The following FAM135A variants were observed in gnomAD, a reference collection of about 807,000 sequenced individuals.
FAM135A encodes the protein family with sequence similarity 135 member A.
In FAM135A, 79 loss-of-function variants were observed where a neutral mutation model predicts 146.8. The ratio of observed to expected loss-of-function variants is 0.54; its 90% CI spans 0.45 to 0.65. FAM135A has a LOEUF of 0.65. Ranked by LOEUF, FAM135A falls within the 30% of genes least tolerant of loss-of-function variation. The pLI is 0.00. For missense variants in FAM135A, 1,623 were observed against 1,758.2 expected, an observed-to-expected ratio of 0.92 and a Z score of 1.38; for synonymous variants, 562 against 603.6, an observed-to-expected ratio of 0.93 and a Z score of 1.01.
chr6:70,441,974 T>C (rs768346987), intron 4 of FAM135A, among the ~76,000 whole-genome samples: 8 of 152,198 alleles, frequency 5.3e-5, no homozygotes, highest in Non-Finnish European at 1.0e-4. Context: ...TGAGTCACCA[T>C]GCTCCACCAC....
At chr6:70,482,497 T>G (rs1294651612) in intron 10 of FAM135A, among the ~76,000 whole-genome samples, 2 of 152,174 alleles carry the variant, frequency 1.3e-5, no homozygotes, top group Admixed American at 1.3e-4. Context: ...AAAGCCATAC[T>G]TCCAAATATT....
Position 70,526,505 on chromosome 6 carries a change from G to C in FAM135A, c.3421G>C (p.Gly1141Arg). Reference protein sequence around the residue: ...EKINSDYLRDGINMPTVCTSG... With the variant: ...EKINSDYLRDRINMPTVCTSG... ...AATAAACAGTGACTATCTGAGAGAT[G>C]GTATAAACATGCCTACTGTCTGTAC... is the stretch of plus-strand genomic sequence containing the variant. Residue 1141 changes from glycine to arginine, a missense_variant, in exon 15 of 22, where the codon GGT becomes CGT. Around this residue, in one of 7 missense-constraint regions of FAM135A, gnomAD observed 1,061 missense variants for 1,113.8 expected, o/e 0.95. Coordinates refer to ENST00000418814, the MANE Select transcript of FAM135A (RefSeq NM_001162529.3). 6.2e-7 allele frequency: 1 copy of C among 1,613,424 alleles called. No individual in the cohort carries two copies. Among genetic ancestry groups the C allele is most frequent in the Non-Finnish European group, 8.5e-7 (1 of 1,179,646 alleles).
intron 4 of FAM135A, among the ~76,000 whole-genome samples, chr6:70,441,139 A>T (rs1035172788): frequency 3.3e-5 from 5 of 152,054 alleles, no homozygotes; most frequent in African/African-American, 1.2e-4. Context: ...CACGTCTGTT[A>T]CCCCAGCACT....
chr6:70,478,639 T>G (rs1180212898), intron 8 of FAM135A, among the ~76,000 whole-genome samples: 1 of 152,134 alleles, frequency 6.6e-6, no homozygotes, highest in Non-Finnish European at 1.5e-5. Flanking sequence ...ATCTCTTACA[T>G]GTAGATCACC....
chr6:70,533,195 A>G lies in FAM135A; in HGVS notation c.3811A>G (p.Ile1271Val). ...AGATCTCCGATTAGTAAAAACTTAC[A>G]TTGAACTTGGATTGCCTGGGGGAAG... ...SADLRLVKTY[I>V]ELGLPGGRID... Residue 1271 changes from isoleucine to valine, a missense_variant, in exon 17 of 22, where the codon ATT (isoleucine) becomes GTT (valine). By Grantham distance (29) the Ile-to-Val change is conservative. This residue lies in a region of FAM135A where 1,061 missense variants were observed against 1,113.8 expected (regional missense o/e 0.95). Transcript: ENST00000418814. The G allele has an allele frequency of 1.2e-6, 2 of 1,613,368 alleles. No homozygotes were observed. Among genetic ancestry groups the G allele is most frequent in the East Asian group, 2.2e-5 (1 of 44,726 alleles).
At chr6:70,529,976 A>G (rs991207598) in intron 16 of FAM135A, among the ~76,000 whole-genome samples, 5 of 152,194 alleles carry the variant, frequency 3.3e-5, no homozygotes, top group African/African-American at 1.2e-4. Context: ...AGGCAGGAGA[A>G]TGGCATGAAC....
In FAM135A at chr6:70,553,314, C is replaced by T. The variant is rs1013104427; in HGVS notation, c.4229-3436C>T. ...ATTCATTAACAATAGTTCCATACTACGCTGAAATAAAATGGTATTCTCAGA... is the reference window on the plus strand; with the variant it reads ...ATTCATTAACAATAGTTCCATACTATGCTGAAATAAAATGGTATTCTCAGA... On this transcript the variant is annotated intron_variant, in intron 20 of 21. Coordinates refer to ENST00000418814, the MANE Select transcript of FAM135A (RefSeq NM_001162529.3). Among the ~76,000 whole-genome samples, 9 of 152,176 alleles carry T rather than the reference C, an allele frequency of 5.9e-5. No individual in the cohort carries two copies. The South Asian group carries it at 6.2e-4, about 10-fold the overall frequency.
At chr6:70,555,418 C>A (rs1800644559) in intron 20 of FAM135A, among the ~76,000 whole-genome samples, 1 of 152,082 alleles carries the variant, frequency 6.6e-6, no homozygotes, top group Non-Finnish European at 1.5e-5. Flanking sequence ...TGCAGCACCA[C>A]ACCTGGCTAA....
chr6:70,545,062 C>A (rs1175224733), intron 20 of FAM135A, among the ~76,000 whole-genome samples: 2 of 150,074 alleles, frequency 1.3e-5, no homozygotes, highest in Non-Finnish European at 3.0e-5. Flanking sequence ...AAAAAAAAAA[C>A]AAACAAAAAC....
chr6:70,462,254 C>T (rs1366307642), intron 5 of FAM135A, among the ~76,000 whole-genome samples: 1 of 152,082 alleles, frequency 6.6e-6, no homozygotes, highest in East Asian at 1.9e-4. Flanking sequence ...TGAGAGAACA[C>T]ATATGTTTGA....
At chr6:70,415,736 C>G (rs1200269601) in intron 2 of FAM135A, among the ~76,000 whole-genome samples, 1 of 152,170 alleles carries the variant, frequency 6.6e-6, no homozygotes, top group Non-Finnish European at 1.5e-5. Context: ...TTCCTGTGCT[C>G]TTATAAATTA....
At chr6:70,505,780 A>G (rs946778455) in intron 12 of FAM135A, among the ~76,000 whole-genome samples, 24 of 151,984 alleles carry the variant, frequency 1.6e-4, no homozygotes, top group African/African-American at 4.1e-4. Context: ...CGAAAAAGCA[A>G]TTTTTGGTGG....
At chr6:70,460,061 A>T (rs1779142207) in intron 5 of FAM135A, among the ~76,000 whole-genome samples, 1 of 152,182 alleles carries the variant, frequency 6.6e-6, no homozygotes, top group South Asian at 2.1e-4. Flanking sequence ...TTAGCCCAGA[A>T]AGACTTGTAG....
At chr6:70,476,044 G>C (rs1164877242) in intron 7 of FAM135A, among the ~76,000 whole-genome samples, 4 of 152,166 alleles carry the variant, frequency 2.6e-5, no homozygotes, top group Admixed American at 2.6e-4. Flanking sequence ...CTTTTCCACT[G>C]TATCACTGGC....
rs753274486 is a variant in FAM135A at position 70,428,465 on chromosome 6, A to T, written c.77+46A>T. ...ATGATATATTTTGCATAAGATGTAC[A>T]GTTTAAATTTAAATTTAATTACATA... is the stretch of plus-strand genomic sequence containing the variant. On this transcript the variant is annotated intron_variant, in intron 4 of 21. Transcript: ENST00000418814. 9.9e-6 allele frequency: 13 copies of T among 1,311,332 alleles called. No individual in the cohort carries two copies. The South Asian group carries it at 2.1e-4, about 21-fold the overall frequency. 81.2% of individuals were successfully genotyped at this position (1,311,332 alleles called of 1,614,324 possible). A position where few individuals can be genotyped will look rare whatever the true frequency, so the allele number is the denominator to read the frequency against.
At chr6:70,535,423 G>A (rs10214805) in intron 18 of FAM135A, among the ~76,000 whole-genome samples, 23,002 of 152,084 alleles carry the variant, frequency 0.15, 1,932 homozygotes, top group Middle Eastern at 0.19. Flanking sequence ...CACAGCAGGA[G>A]CACTGGGGCG....
At chr6:70,521,716 C>G (rs1404794828) in intron 12 of FAM135A, among the ~76,000 whole-genome samples, 1 of 152,190 alleles carries the variant, frequency 6.6e-6, no homozygotes, top group African/African-American at 2.4e-5. Context: ...TCTTTTCTGG[C>G]TCCTGTTGCC....
chr6:70,419,173 C>G (rs1357144794), intron 2 of FAM135A, among the ~76,000 whole-genome samples: 1 of 152,206 alleles, frequency 6.6e-6, no homozygotes, highest in South Asian at 2.1e-4. Context: ...GTAATCCCAG[C>G]ACTTTGGGAG....
chr6:70,536,033 ATGT>A lies in FAM135A; in HGVS notation c.3966-222_3966-220del, dbSNP rs71815665. The stretch of plus-strand genomic sequence containing the variant: ...TATGAGTAAAAGTTTTCAGATTAAT[ATGT>A]TGTTTCTATAAACATTTAAATTATG... On this transcript the variant is annotated intron_variant, in intron 18 of 21. Transcript: ENST00000418814. 3,841 of 388,270 alleles carry A rather than the reference ATGT, an allele frequency of 9.9e-3. 131 individuals are homozygous for A. Among genetic ancestry groups the A allele is most frequent in the African/African-American group, 0.074 (3,541 of 48,140 alleles). 24.1% of individuals were successfully genotyped at this position (388,270 alleles called of 1,614,324 possible). A position where few individuals can be genotyped will look rare whatever the true frequency, so the allele number is the denominator to read the frequency against.
Sources: gnomAD v4.1 joint callset for allele counts (sites outside exome capture counted in the v4.1 genomes callset) on GRCh38, gnomAD v4.1.1 for gene constraint, gnomAD v4.1.1 regional missense constraint, MANE v1.5 for transcripts, NCBI Gene and HGNC (gene_info 2026-07-23, HGNC 2026-07-21) for gene names.